CCDC91: variants seen among roughly 807,000 people sequenced by gnomAD.
CCDC91 encodes coiled-coil domain-containing protein 91.
In CCDC91, 48 loss-of-function variants were observed where a neutral mutation model predicts 63.2. The ratio of observed to expected loss-of-function variants is 0.76; its 90% confidence interval spans 0.60 to 0.97. The LOEUF (loss-of-function observed/expected upper bound fraction) is 0.97. CCDC91 is among the 50% of genes least tolerant of loss of function. The pLI is 0.00. For missense variants in CCDC91, 500 were observed against 494.6 expected (o/e 1.01, Z -0.10); for synonymous variants, 167 against 165.8 (o/e 1.01, Z -0.06).
intron 3 of CCDC91, among the ~76,000 whole-genome samples, chr12:28,293,665 C>G (rs899305328): frequency 2.0e-5 from 3 of 151,888 alleles, no homozygotes; most frequent in African/African-American, 7.3e-5. Flanking sequence ...GTTTTCATCT[C>G]TCTGTCTCTT....
intron 11 of CCDC91, among the ~76,000 whole-genome samples, chr12:28,458,774 AT>A (rs1950175639): frequency 6.6e-6 from 1 of 152,048 alleles, no homozygotes; most frequent in Non-Finnish European, 1.5e-5. Flanking sequence ...CTGAAAAATA[AT>A]CCTTAAACAT....
Position 28,414,648 on chromosome 12 carries a change from A to G in CCDC91, c.762+23237A>G, listed in dbSNP as rs545070526. On this transcript the variant is annotated intron_variant, in intron 8 of 12. Coordinates refer to ENST00000536442, the MANE Select transcript of CCDC91 (RefSeq NM_018318.5). ...ATCACACTTGGCTATTCATTTGAGT[A>G]TCAGTCATTACATTTCCAGATCATG... Among the ~76,000 whole-genome samples, 23 of 152,306 alleles carry G rather than the reference A, an allele frequency of 1.5e-4. No individual in the cohort carries two copies. In the South Asian group the frequency reaches 4.8e-3, roughly 32 times the overall value.
At chr12:28,295,241 C>T (rs1484679579) in intron 3 of CCDC91, among the ~76,000 whole-genome samples, 2 of 152,116 alleles carry the variant, frequency 1.3e-5, no homozygotes, top group Admixed American at 6.5e-5. Flanking sequence ...TAACATTTGC[C>T]TGGTTCCCTC....
At chr12:28,271,852 T>C (rs1206813233) in intron 3 of CCDC91, among the ~76,000 whole-genome samples, 1 of 150,030 alleles carries the variant, frequency 6.7e-6, no homozygotes, top group African/African-American at 2.4e-5. Context: ...TATATATAAG[T>C]ATTGTATATG....
intron 12 of CCDC91, among the ~76,000 whole-genome samples, chr12:28,487,523 C>G (rs1951788420): frequency 6.6e-6 from 1 of 151,736 alleles, no homozygotes; most frequent in Non-Finnish European, 1.5e-5. Context: ...AATTCATAAT[C>G]TTCTTGTCTG....
intron 8 of CCDC91, among the ~76,000 whole-genome samples, chr12:28,441,214 G>C (rs1949189795): frequency 3.3e-5 from 5 of 151,934 alleles, no homozygotes; most frequent in Admixed American, 2.6e-4. Flanking sequence ...TGTACATCCA[G>C]TAAAATAGCT....
intron 1 of CCDC91, among the ~76,000 whole-genome samples, chr12:28,213,035 A>G (rs1338778674): frequency 6.6e-6 from 1 of 152,210 alleles, no homozygotes; most frequent in Non-Finnish European, 1.5e-5. Context: ...ATGGGGATGC[A>G]TGGAAAGACC....
At chr12:28,326,765 A>G (rs1186447685) in intron 6 of CCDC91, among the ~76,000 whole-genome samples, 1 of 152,102 alleles carries the variant, frequency 6.6e-6, no homozygotes, top group Middle Eastern at 3.2e-3. Flanking sequence ...GTGATGATAA[A>G]TGAAACCGGC....
At chr12:28,521,017 C>G (rs1013946633) in intron 12 of CCDC91, among the ~76,000 whole-genome samples, 2 of 152,136 alleles carry the variant, frequency 1.3e-5, no homozygotes, top group African/African-American at 4.8e-5. Flanking sequence ...ATGCCTCCAG[C>G]TTTGTTCTTT....
In CCDC91 at chr12:28,220,717, A is replaced by G. The variant is rs540353216; in HGVS notation, c.-15+30076A>G. 2.0e-5 allele frequency among the ~76,000 whole-genome samples: 3 copies of G among 152,158 alleles called. No homozygotes were observed. The East Asian group carries it at 5.8e-4, about 29-fold the overall frequency. The stretch of plus-strand genomic sequence containing the variant: ...GTATTTTCTCTGGGCAAAGAAGTCT[A>G]TACTGCCATGTGTTTTTTCCTCTTT... On this transcript the variant is annotated intron_variant, in intron 1 of 12. Transcript: ENST00000536442.
At chr12:28,381,222 G>A (rs184370255) in intron 7 of CCDC91, among the ~76,000 whole-genome samples, 37 of 152,152 alleles carry the variant, frequency 2.4e-4, no homozygotes, top group African/African-American at 8.4e-4. Flanking sequence ...ATTTTAATAT[G>A]TCTGTTTTGT....
chr12:28,473,596 T>G (rs568167229), intron 11 of CCDC91, among the ~76,000 whole-genome samples: 1 of 152,226 alleles, frequency 6.6e-6, no homozygotes, highest in African/African-American at 2.4e-5. Context: ...TTGAAAAGTT[T>G]CCTACCTATA....
At chr12:28,295,310 C>CT (rs1276809562) in intron 3 of CCDC91, among the ~76,000 whole-genome samples, 1 of 151,978 alleles carries the variant, frequency 6.6e-6, no homozygotes, top group Non-Finnish European at 1.5e-5. Flanking sequence ...TGAGTCAAGA[C>CT]TTTATCTTTT....
At chr12:28,362,150 T>C (rs1033111796) in intron 6 of CCDC91, among the ~76,000 whole-genome samples, 28 of 152,036 alleles carry the variant, frequency 1.8e-4, no homozygotes, top group Admixed American at 4.6e-4. Context: ...ATGTCAAGAA[T>C]TGGCAGATGC....
intron 7 of CCDC91, among the ~76,000 whole-genome samples, chr12:28,383,232 T>G (rs934706689): frequency 7.5e-6 from 1 of 134,144 alleles, no homozygotes; most frequent in African/African-American, 2.8e-5. Flanking sequence ...TTATTGAATT[T>G]TCATGTTTAG....
chr12:28,529,767 T>C (rs997096714), intron 12 of CCDC91, among the ~76,000 whole-genome samples: 2 of 152,210 alleles, frequency 1.3e-5, no homozygotes, highest in Non-Finnish European at 2.9e-5. Flanking sequence ...ATTTGGAAAA[T>C]AACTTGTTTC....
At chr12:28,350,748 A>G (rs751720154) in intron 6 of CCDC91, among the ~76,000 whole-genome samples, 9 of 152,112 alleles carry the variant, frequency 5.9e-5, no homozygotes, top group Non-Finnish European at 1.3e-4. Context: ...CCAGTTTCTC[A>G]TGGCACGTGA....
At chr12:28,356,050 T>C (rs557965381) in intron 6 of CCDC91, among the ~76,000 whole-genome samples, 2 of 152,308 alleles carry the variant, frequency 1.3e-5, no homozygotes, top group South Asian at 4.1e-4. Flanking sequence ...TTTATATTTA[T>C]CTAAATTTGG....
intron 3 of CCDC91, among the ~76,000 whole-genome samples, chr12:28,288,060 C>A (rs1180656059): frequency 6.6e-6 from 1 of 152,124 alleles, no homozygotes; most frequent in Admixed American, 6.5e-5. Flanking sequence ...TATTTTGTAT[C>A]CCAAGACTTC....
Sources: allele counts gnomAD v4.1 joint callset (sites outside exome capture counted in the v4.1 genomes callset), GRCh38; gene constraint gnomAD v4.1.1; transcripts MANE v1.5; gene names NCBI Gene and HGNC (gene_info 2026-07-23, HGNC 2026-07-21).